The following PLEKHF1 variants were observed in gnomAD, a reference collection of about 807,000 sequenced individuals.
PLEKHF1 encodes pleckstrin homology and FYVE domain containing 1.
PLEKHF1 carries 1 observed loss-of-function variant against 4.1 expected under a neutral mutation model. The ratio of observed to expected loss-of-function variants is 0.24; its 90% CI spans 0.09 to 1.15. PLEKHF1 has a LOEUF of 1.15. Ranked by LOEUF, PLEKHF1 falls within the 50% of genes most tolerant of loss-of-function variation. The probability of loss-of-function intolerance (pLI) is 0.52; values close to 1 mark genes in which losing one functional copy is unlikely to be tolerated. For synonymous variants in PLEKHF1, 182 were observed against 178.5 expected (o/e 1.02, Z -0.16); for missense variants, 429 against 400.6 (o/e 1.07, Z -0.60).
Position 29,674,908 on chromosome 19 carries a change from G to T in PLEKHF1, c.*229G>T, listed in dbSNP as rs1971688637. On this transcript the variant is annotated 3_prime_UTR_variant, in exon 2 of 2. Coordinates refer to ENST00000436066, the MANE Select transcript of PLEKHF1 (RefSeq NM_024310.5). The stretch of plus-strand genomic sequence containing the variant: ...TCAGGAAGCCCCAGAACACCCACAG[G>T]TCTTGGTAACAAACGCCACCTTACA... 3.2e-6 allele frequency: 2 copies of T among 633,724 alleles called. No homozygotes were observed. The allele number at this position is 633,724 out of a possible 1,614,324, so 39.3% of individuals were successfully genotyped here.
chr19:29,674,446 G>A lies in PLEKHF1; in HGVS notation c.607G>A (p.Val203Ile), dbSNP rs1383192930. Residue 203 changes from valine to isoleucine, a missense_variant, in exon 2 of 2, where the codon GTC becomes ATC. Physicochemically the swap from Val to Ile is conservative, Grantham distance 29. Coordinates refer to ENST00000436066, the MANE Select transcript of PLEKHF1 (RefSeq NM_024310.5). ...GCGCCTGTCCCCCAAGCCCGTGCGC[G>A]TCTGCAGCCTCTGCTACCGCGAACT... is the stretch of plus-strand genomic sequence containing the variant. ...LPRLSPKPVR[V>I]CSLCYRELAA... 2.0e-6 allele frequency: 3 copies of A among 1,535,026 alleles called. No individual in the cohort carries two copies. The highest frequency in any genetic ancestry group is 1.4e-5 in the African/African-American group (1 of 72,920).
rs748057560 is a variant in PLEKHF1 at position 29,674,680 on chromosome 19, C to T, written c.*1C>T. 2.5e-6 allele frequency: 4 copies of T among 1,591,568 alleles called. No individual in the cohort carries two copies. In the African/African-American group the frequency reaches 4.0e-5, roughly 16 times the overall value. On this transcript the variant is annotated 3_prime_UTR_variant, in exon 2 of 2. Transcript: ENST00000436066. ...GGCCTGGTCTGCCTTCCACAGCTGA[C>T]CCCCGGCCTGCAGAACATCTGTCCC...
Position 29,673,837 on chromosome 19 carries a change from A to G in PLEKHF1, c.-3A>G. 1 of 1,588,604 alleles carries G rather than the reference A, an allele frequency of 6.3e-7. No individual in the cohort carries two copies. Among genetic ancestry groups the G allele is most frequent in the East Asian group, 2.2e-5 (1 of 44,540 alleles). ...CTCCTCCTGCAGCCGCCAGCTGGAG[A>G]CGATGGTGGACCACTTGGCCAACAC... On this transcript the variant is annotated 5_prime_UTR_variant, in exon 2 of 2. Transcript: ENST00000436066.
chr19:29,674,407 C>T lies in PLEKHF1; in HGVS notation c.568C>T (p.Arg190Cys), dbSNP rs200457407. The stretch of plus-strand genomic sequence containing the variant: ...GGTCTGCGCTGAGTGCTCGCGCCAG[C>T]GCTTCCTGCTCCCGCGCCTGTCCCC... ...FVVCAECSRQRFLLPRLSPKP... is the reference protein window; with the variant it reads ...FVVCAECSRQCFLLPRLSPKP... The change falls in exon 2 of 2, where the codon CGC (arginine) becomes TGC (cysteine). Residue 190 changes from arginine (R) to cysteine (C), a missense_variant. Transcript: ENST00000436066. 1.2e-4 allele frequency: 181 copies of T among 1,530,276 alleles called. 1 individual carries two copies. In the African/African-American group the frequency reaches 2.0e-3, roughly 17 times the overall value. 94.8% of individuals were successfully genotyped at this position (1,530,276 alleles called of 1,614,324 possible).
chr19:29,672,550 G>A (rs543079963), intron 1 of PLEKHF1, among the ~76,000 whole-genome samples: 92 of 152,282 alleles, frequency 6.0e-4, no homozygotes, highest in Middle Eastern at 3.4e-3. Flanking sequence ...ATATGGTGGC[G>A]GAGTTATGTG....
At chr19:29,665,962 G>A (rs865857275) in intron 1 of PLEKHF1, among the ~76,000 whole-genome samples, 1 of 152,110 alleles carries the variant, frequency 6.6e-6, no homozygotes, top group African/African-American at 2.4e-5. Flanking sequence ...GCAGGGGCGC[G>A]GCGGGGGGCG....
intron 1 of PLEKHF1, among the ~76,000 whole-genome samples, chr19:29,673,484 G>A (rs1040221408): frequency 1.1e-4 from 17 of 151,884 alleles, no homozygotes; most frequent in Non-Finnish European, 1.2e-4. Flanking sequence ...TCCTGGGCTC[G>A]AGCCTCCTCT....
At chr19:29,670,530 G>A (rs1711567994) in intron 1 of PLEKHF1, among the ~76,000 whole-genome samples, 1 of 152,130 alleles carries the variant, frequency 6.6e-6, no homozygotes, top group South Asian at 2.1e-4. Context: ...TTCTCCCATT[G>A]ACAGACGTTT....
chr19:29,674,546 G>A lies in PLEKHF1; in HGVS notation c.707G>A (p.Arg236Gln), dbSNP rs1380517983. The A allele has an allele frequency of 5.0e-6, 8 of 1,588,990 alleles. No individual in the cohort carries two copies. In the East Asian group the frequency reaches 6.9e-5, roughly 14 times the overall value. The change falls in exon 2 of 2, where the codon CGG (arginine) becomes CAG (glutamine). Residue 236 changes from arginine to glutamine, a missense_variant. By Grantham distance (43) the Arg-to-Gln change is conservative (BLOSUM62 1). Transcript: ENST00000436066. ...GSPGQPAHLA[R>Q]PICGASSGDD... ...CCAGGGCAGCCAGCCCACCTGGCCC[G>A]GCCCATCTGCGGAGCGTCCAGTGGA... is the stretch of plus-strand genomic sequence containing the variant.
intron 1 of PLEKHF1, among the ~76,000 whole-genome samples, chr19:29,672,352 C>T (rs1971640001): frequency 6.6e-6 from 1 of 152,156 alleles, no homozygotes; most frequent in Non-Finnish European, 1.5e-5. Context: ...TTAACAAAAG[C>T]AGGCTGAGGG....
rs995670811 is a variant in PLEKHF1 at position 29,671,544 on chromosome 19, C to T, written c.-16-2280C>T. Among the ~76,000 whole-genome samples, 20 of 152,164 alleles carry T rather than the reference C, an allele frequency of 1.3e-4. No homozygotes were observed. Among genetic ancestry groups the T allele is most frequent in the African/African-American group, 4.6e-4 (19 of 41,498 alleles). On this transcript the variant is annotated intron_variant, in intron 1 of 1. Transcript: ENST00000436066. The surrounding 1 kb of genome is among the most constrained non-coding windows in gnomAD (Gnocchi z 4.0). ...GCAGTTCTGGTTTTGTCAGATTGTC[C>T]CTCAGCCAGGTACTCGGTGATCAGT... is the stretch of plus-strand genomic sequence containing the variant.
At chr19:29,666,306 G>A (rs1335935210) in intron 1 of PLEKHF1, among the ~76,000 whole-genome samples, 1 of 152,230 alleles carries the variant, frequency 6.6e-6, no homozygotes, top group Non-Finnish European at 1.5e-5. Context: ...CAAGGAGGTG[G>A]GGAGGTAGTC....
Position 29,674,444 on chromosome 19 carries a change from G to C in PLEKHF1, c.605G>C (p.Arg202Pro). ...LLPRLSPKPV[R>P]VCSLCYRELA... ...CCGCGCCTGTCCCCCAAGCCCGTGC[G>C]CGTCTGCAGCCTCTGCTACCGCGAA... Residue 202 changes from arginine (R) to proline (P), a missense_variant, in exon 2 of 2, where the codon CGC (arginine) becomes CCC (proline). By Grantham distance (103) the Arg-to-Pro change is moderately radical (BLOSUM62 -2). Coordinates refer to ENST00000436066, the MANE Select transcript of PLEKHF1 (RefSeq NM_024310.5). The C allele has an allele frequency of 6.5e-7, 1 of 1,533,798 alleles. No homozygotes were observed. The highest frequency in any genetic ancestry group is 1.4e-5 in the African/African-American group (1 of 73,004).
At position 29,674,577 on chromosome 19, in the gene PLEKHF1, C is replaced by T. The variant is rs147091446; in HGVS notation, c.738C>T (p.Asp246=). ...RPICGASSGD[D]DDSDEDKEGS... is the part of the protein sequence containing the mutation. ...TCTGCGGAGCGTCCAGTGGAGATGA[C>T]GATGACTCCGACGAGGACAAGGAGG... Residue 246 remains aspartate (D), a synonymous_variant, in exon 2 of 2, where the codon GAC becomes GAT. Coordinates refer to ENST00000436066, the MANE Select transcript of PLEKHF1 (RefSeq NM_024310.5). 9.4e-6 allele frequency: 15 copies of T among 1,602,338 alleles called. No individual in the cohort carries two copies. Among genetic ancestry groups the T allele is most frequent in the Middle Eastern group, 1.7e-4 (1 of 6,030 alleles).
In PLEKHF1 at chr19:29,671,896, G is replaced by A. The variant is rs1021739798; in HGVS notation, c.-16-1928G>A. ...TGTGTACCGGAATGCATGTGTGCAC[G>A]TGGTGGTGGTGGGGCCAGCTCTCAC... On this transcript the variant is annotated intron_variant, in intron 1 of 1. Coordinates refer to ENST00000436066, the MANE Select transcript of PLEKHF1 (RefSeq NM_024310.5). The surrounding 1 kb of genome is among the most constrained non-coding windows in gnomAD (Gnocchi z 4.0). Among the ~76,000 whole-genome samples the A allele has an allele frequency of 6.6e-6, 1 of 152,026 alleles. No individual in the cohort carries two copies. Among genetic ancestry groups the A allele is most frequent in the African/African-American group, 2.4e-5 (1 of 41,382 alleles).
In PLEKHF1 at chr19:29,671,031, G is replaced by C. The variant is rs922214751; in HGVS notation, c.-16-2793G>C. 2.6e-5 allele frequency among the ~76,000 whole-genome samples: 4 copies of C among 151,938 alleles called. No homozygotes were observed. The highest frequency in any genetic ancestry group is 9.7e-5 in the African/African-American group (4 of 41,380). Reference sequence around the variant, plus strand: ...GCACCAGTTCCTATTCTCATCAGCAGTGCACAGTTTCCAGTTTCTCCACAC... The same window carrying C: ...GCACCAGTTCCTATTCTCATCAGCACTGCACAGTTTCCAGTTTCTCCACAC... On this transcript the variant is annotated intron_variant, in intron 1 of 1. Transcript: ENST00000436066. This position sits in a 1 kb window ranked among gnomAD's most constrained non-coding sequence, Gnocchi z 4.0.
At position 29,674,694 on chromosome 19, in the gene PLEKHF1, A is replaced by G. The variant is rs1568312197; in HGVS notation, c.*15A>G. 1.3e-6 allele frequency: 2 copies of G among 1,583,408 alleles called. No individual in the cohort carries two copies. The highest frequency in any genetic ancestry group is 1.7e-6 in the Non-Finnish European group (2 of 1,162,370). ...TCCACAGCTGACCCCCGGCCTGCAG[A>G]ACATCTGTCCCCAAGCCAGCTCCAC... On this transcript the variant is annotated 3_prime_UTR_variant, in exon 2 of 2. Transcript: ENST00000436066.
In PLEKHF1 at chr19:29,674,228, T is replaced by A; in HGVS notation, c.389T>A (p.Val130Glu). The change falls in exon 2 of 2, where the codon GTG (valine) becomes GAG (glutamate). Residue 130 changes from valine to glutamate, a missense_variant. Physicochemically the swap from Val to Glu is moderately radical, Grantham distance 121 (BLOSUM62 -2). Coordinates refer to ENST00000436066, the MANE Select transcript of PLEKHF1 (RefSeq NM_024310.5). ...QEWISHIEEC[V>E]RRQLRATGRP... is the part of the protein sequence containing the mutation. ...TGGATTAGCCACATCGAGGAGTGCG[T>A]GCGGCGGCAACTGAGGGCCACGGGC... 1.9e-6 allele frequency: 3 copies of A among 1,611,706 alleles called. No individual in the cohort carries two copies. The highest frequency in any genetic ancestry group is 2.5e-6 in the Non-Finnish European group (3 of 1,179,726).
chr19:29,665,644 G>A, intron 1 of PLEKHF1, 139 bp downstream of exon 1: 2 of 1,154,770 alleles, frequency 1.7e-6, no homozygotes, highest in Non-Finnish European at 2.2e-6. Flanking sequence ...GCGGGGCGCA[G>A]TGCCGCTGAC....
Sources: allele counts gnomAD v4.1 joint callset (sites outside exome capture counted in the v4.1 genomes callset), GRCh38; gene constraint gnomAD v4.1.1; non-coding constraint Gnocchi (gnomAD v3.1); transcripts MANE v1.5; gene names NCBI Gene and HGNC (gene_info 2026-07-23, HGNC 2026-07-21).